NELL1: variants seen among roughly 807,000 people sequenced by gnomAD.
The protein encoded by NELL1 is neural EGFL like 1.
A neutral mutation model predicts 107.4 loss-of-function variants in NELL1; 76 were observed. The observed-to-expected ratio is 0.71, with a 90% confidence interval of 0.59 to 0.86. NELL1 has a LOEUF of 0.86. Among genes scored for constraint, NELL1 ranks in the 40% least tolerant of loss-of-function variants. The probability of loss-of-function intolerance (pLI) is 0.00; values close to 1 mark genes in which losing one functional copy is unlikely to be tolerated. For missense variants in NELL1, 1,024 were observed against 1,005.5 expected (o/e 1.02, Z -0.25); for synonymous variants, 353 against 341.2 (o/e 1.03, Z -0.38).
At chr11:20,988,515 ATATC>A (rs1448542005) in intron 12 of NELL1, among the ~76,000 whole-genome samples, 1 of 150,928 alleles carries the variant, frequency 6.6e-6, no homozygotes, top group Non-Finnish European at 1.5e-5. Context: ...GTATATATAC[ATATC>A]TATCTATATA....
intron 15 of NELL1, among the ~76,000 whole-genome samples, chr11:21,444,525 A>C (rs1853370638): frequency 6.6e-6 from 1 of 152,156 alleles, no homozygotes; most frequent in Non-Finnish European, 1.5e-5. Flanking sequence ...AGTACAATTG[A>C]AATTAGATTA....
At chr11:21,401,934 T>G (rs754268474) in intron 15 of NELL1, among the ~76,000 whole-genome samples, 8 of 151,746 alleles carry the variant, frequency 5.3e-5, no homozygotes, top group Non-Finnish European at 4.4e-5. Flanking sequence ...GAACTGTGCT[T>G]GAACAGAGAA....
intron 5 of NELL1, among the ~76,000 whole-genome samples, chr11:20,893,863 A>AAG (rs987078860): frequency 7.9e-5 from 12 of 151,144 alleles, no homozygotes; most frequent in Non-Finnish European, 1.3e-4. Flanking sequence ...GTTAAAAAAA[A>AAG]AAAAAAAAGA....
At chr11:21,217,213 C>T (rs955396638) in intron 13 of NELL1, among the ~76,000 whole-genome samples, 2 of 152,136 alleles carry the variant, frequency 1.3e-5, no homozygotes, top group African/African-American at 4.8e-5. Context: ...CTGAGGCCTC[C>T]TGAGCCACGT....
intron 15 of NELL1, among the ~76,000 whole-genome samples, chr11:21,411,733 G>T (rs1192272014): frequency 6.6e-6 from 1 of 152,022 alleles, no homozygotes; most frequent in East Asian, 1.9e-4. Flanking sequence ...GATTCAATGA[G>T]GTATGATTCA....
chr11:21,293,896 C>T (rs1849323088), intron 14 of NELL1, among the ~76,000 whole-genome samples: 1 of 152,042 alleles, frequency 6.6e-6, no homozygotes, highest in Admixed American at 6.6e-5. Context: ...CACATGGAAA[C>T]AGGGAGGGCA....
At chr11:21,367,199 T>A (rs1331826083) in intron 14 of NELL1, among the ~76,000 whole-genome samples, 1 of 151,816 alleles carries the variant, frequency 6.6e-6, no homozygotes, top group Non-Finnish European at 1.5e-5. Flanking sequence ...ATCTAACATC[T>A]CCTCCAGTGC....
At chr11:21,400,737 G>A (rs11026068) in intron 15 of NELL1, among the ~76,000 whole-genome samples, 49,917 of 151,738 alleles carry the variant, frequency 0.33, 8,592 homozygotes, top group South Asian at 0.39. Context: ...TCAGTTTCAC[G>A]AATACGTCAC....
intron 12 of NELL1, among the ~76,000 whole-genome samples, chr11:20,994,558 G>C (rs1411736156): frequency 1.3e-5 from 2 of 152,154 alleles, no homozygotes; most frequent in Non-Finnish European, 2.9e-5. Flanking sequence ...GTTTTTTTAA[G>C]TTGGAAAATG....
intron 15 of NELL1, among the ~76,000 whole-genome samples, chr11:21,416,959 T>A (rs1167367944): frequency 6.6e-6 from 1 of 151,950 alleles, no homozygotes; most frequent in Non-Finnish European, 1.5e-5. Context: ...ATAAGTTTAT[T>A]TTTTTTAGTG....
intron 14 of NELL1, among the ~76,000 whole-genome samples, chr11:21,316,114 C>A (rs1013799561): frequency 6.6e-6 from 1 of 152,076 alleles, no homozygotes; most frequent in Admixed American, 6.6e-5. Flanking sequence ...GTAATATCCT[C>A]AATATGCCAG....
intron 12 of NELL1, among the ~76,000 whole-genome samples, chr11:21,040,056 T>A (rs1853191684): frequency 6.6e-6 from 1 of 151,986 alleles, no homozygotes; most frequent in Admixed American, 6.6e-5. Flanking sequence ...TTCCTCCTAA[T>A]CTCACCAGCC....
intron 12 of NELL1, among the ~76,000 whole-genome samples, chr11:21,081,630 T>C (rs1269276583): frequency 3.3e-5 from 5 of 152,180 alleles, no homozygotes; most frequent in Non-Finnish European, 7.4e-5. Context: ...CTTGACTTCA[T>C]CTAGCAAGTC....
chr11:21,150,248 T>G lies in NELL1; in HGVS notation c.1426+36534T>G, dbSNP rs1791829. Among the ~76,000 whole-genome samples, 344 of 152,230 alleles carry G rather than the reference T, an allele frequency of 2.3e-3. 3 individuals carry two copies. Among genetic ancestry groups the G allele is most frequent in the African/African-American group, 7.7e-3 (318 of 41,532 alleles). On this transcript the variant is annotated intron_variant, in intron 13 of 19. Coordinates refer to ENST00000357134, the MANE Select transcript of NELL1 (RefSeq NM_006157.5). ...AGTCAAGATCTGGTCTTGCCTTGCT[T>G]TCTTCTATCTATGGTTGCACAGTTG...
chr11:20,856,516 C>T (rs146345145), intron 4 of NELL1, among the ~76,000 whole-genome samples: 1 of 152,290 alleles, frequency 6.6e-6, no homozygotes, highest in Non-Finnish European at 1.5e-5. Flanking sequence ...TTTGGGACAC[C>T]TAGAATGCCT....
At chr11:21,462,399 T>C (rs1232003878) in intron 15 of NELL1, among the ~76,000 whole-genome samples, 3 of 152,116 alleles carry the variant, frequency 2.0e-5, no homozygotes, top group Non-Finnish European at 2.9e-5. Flanking sequence ...GCAGGATTTA[T>C]GGTTTTGGGA....
intron 4 of NELL1, among the ~76,000 whole-genome samples, chr11:20,873,308 T>C (rs1478093177): frequency 6.6e-6 from 1 of 152,186 alleles, no homozygotes; most frequent in Non-Finnish European, 1.5e-5. Context: ...TCCTATAAGA[T>C]TGTGGCTTTT....
intron 15 of NELL1, among the ~76,000 whole-genome samples, chr11:21,506,036 G>A (rs993195337): frequency 6.6e-6 from 1 of 152,160 alleles, no homozygotes; most frequent in African/African-American, 2.4e-5. Flanking sequence ...CCCTAATGTG[G>A]TAAAACAGGC....
chr11:21,383,062 A>C (rs1464819367), intron 15 of NELL1, among the ~76,000 whole-genome samples: 1 of 151,992 alleles, frequency 6.6e-6, no homozygotes, highest in African/African-American at 2.4e-5. Context: ...AATCATGTGG[A>C]AAAAGGCTAA....
Sources: allele counts gnomAD v4.1 joint callset (sites outside exome capture counted in the v4.1 genomes callset), GRCh38; gene constraint gnomAD v4.1.1; transcripts MANE v1.5; gene names NCBI Gene and HGNC (gene_info 2026-07-23, HGNC 2026-07-21).